The following CORO2B variants were observed in gnomAD, a reference collection of about 807,000 sequenced individuals.
The protein encoded by CORO2B is coronin-2B.
CORO2B carries 26 observed loss-of-function variants against 58.8 expected under a neutral mutation model. The ratio of observed to expected loss-of-function variants is 0.44; its 90% CI spans 0.32 to 0.61. The LOEUF is 0.61. CORO2B is among the 20% of genes least tolerant of loss of function. The pLI is 0.04. For synonymous variants in CORO2B, 242 were observed against 253.8 expected, an observed-to-expected ratio of 0.95 and a Z score of 0.44; for missense variants, 460 against 645.1, an observed-to-expected ratio of 0.71 and a Z score of 3.11.
At chr15:68,524,634 T>C in the CORO2B span, among the ~76,000 whole-genome samples, 1 of 152,238 alleles carries the variant, frequency 6.6e-6, no homozygotes, top group Non-Finnish European at 1.5e-5. Flanking sequence ...CATAAAAATT[T>C]CTTTAACCAA....
intron 2 of CORO2B, among the ~76,000 whole-genome samples, chr15:68,655,318 T>C (rs1461183519): frequency 2.0e-5 from 3 of 152,126 alleles, no homozygotes; most frequent in Non-Finnish European, 2.9e-5. Flanking sequence ...CACAGCCCCA[T>C]TGAATGAGCA....
chr15:68,575,834 T>C (rs1474965599), upstream of CORO2B, among the ~76,000 whole-genome samples: 1 of 151,724 alleles, frequency 6.6e-6, no homozygotes, highest in East Asian at 1.9e-4. Flanking sequence ...ATGAGTAGTG[T>C]TGTGGTGTTA....
intron 8 of CORO2B, among the ~76,000 whole-genome samples, chr15:68,718,107 C>T (rs1303255988): frequency 1.3e-5 from 2 of 152,202 alleles, no homozygotes; most frequent in African/African-American, 2.4e-5. Flanking sequence ...CCATGATAGA[C>T]GTTCAGCAGA....
chr15:68,686,262 C>T (rs1902976754), intron 2 of CORO2B, among the ~76,000 whole-genome samples: 1 of 152,036 alleles, frequency 6.6e-6, no homozygotes, highest in African/African-American at 2.4e-5. Context: ...TCTCGAACTC[C>T]TGACCTCAGG....
intron 1 of CORO2B, among the ~76,000 whole-genome samples, chr15:68,612,495 G>C (rs1176704453): frequency 6.6e-6 from 1 of 152,232 alleles, no homozygotes; most frequent in East Asian, 1.9e-4. Flanking sequence ...AGTGCTCTGA[G>C]GTCTGGGGTA....
At chr15:68,620,658 A>G (rs1411062853) in intron 1 of CORO2B, among the ~76,000 whole-genome samples, 1 of 151,828 alleles carries the variant, frequency 6.6e-6, no homozygotes, top group African/African-American at 2.4e-5. Context: ...TTATTCTCTC[A>G]TTCCTTTTTT....
At chr15:68,717,228 C>T (rs180807622) in intron 8 of CORO2B, among the ~76,000 whole-genome samples, 25 of 151,720 alleles carry the variant, frequency 1.6e-4, no homozygotes, top group African/African-American at 5.3e-4. Flanking sequence ...GCAGGAGAAT[C>T]GCTTGAACCC....
At chr15:68,696,135 A>T (rs1892504325) in intron 3 of CORO2B, among the ~76,000 whole-genome samples, 2 of 151,400 alleles carry the variant, frequency 1.3e-5, no homozygotes, top group African/African-American at 4.9e-5. Context: ...CTGTAGTCCC[A>T]GCTACTAGGG....
the CORO2B span, among the ~76,000 whole-genome samples, chr15:68,540,114 T>A: frequency 6.6e-6 from 1 of 152,282 alleles, no homozygotes; most frequent in Non-Finnish European, 1.5e-5. Context: ...GTTTTCATAC[T>A]CTGTAACATT....
At chr15:68,712,198 G>A (rs542921664) in intron 5 of CORO2B, among the ~76,000 whole-genome samples, 4 of 152,212 alleles carry the variant, frequency 2.6e-5, no homozygotes, top group South Asian at 2.1e-4. Flanking sequence ...TTGGAAGTAA[G>A]AAATTACCAT....
At chr15:68,711,449 G>T (rs71402285) in intron 4 of CORO2B, 93 bp from the exon 5 acceptor site, 3 of 1,133,302 alleles carry the variant, frequency 2.6e-6, no homozygotes, top group African/African-American at 3.1e-5. Context: ...TGCATGGGGC[G>T]CTTCTCCCAG....
At chr15:68,700,044 G>C (rs762532945) in intron 3 of CORO2B, among the ~76,000 whole-genome samples, 2 of 152,176 alleles carry the variant, frequency 1.3e-5, no homozygotes, top group African/African-American at 2.4e-5. Flanking sequence ...CAGCTTCCAG[G>C]GGGTGGACAG....
intron 9 of CORO2B, 152 bp from the exon 10 acceptor site, chr15:68,718,992 T>G: frequency 1.2e-6 from 1 of 824,514 alleles, no homozygotes; most frequent in Non-Finnish European, 2.0e-6. Flanking sequence ...ATGAGTGCAG[T>G]CAGGTAGTTC....
intron 3 of CORO2B, among the ~76,000 whole-genome samples, chr15:68,701,462 C>A (rs555300304): frequency 3.3e-4 from 48 of 146,530 alleles, no homozygotes; most frequent in African/African-American, 1.2e-3. Context: ...CAGGCGCCTG[C>A]AACCACGCCC....
At chr15:68,575,428 C>CAA (rs1899261823), upstream of CORO2B, among the ~76,000 whole-genome samples, 1 of 65,854 alleles carries the variant, frequency 1.5e-5, no homozygotes, top group Non-Finnish European at 3.2e-5. Context: ...ACCTCCGCCT[C>CAA]CCAAGTTCAA....
chr15:68,567,467 T>C, the CORO2B span, among the ~76,000 whole-genome samples: 1 of 152,162 alleles, frequency 6.6e-6, no homozygotes, highest in Non-Finnish European at 1.5e-5. Context: ...TAAGGGTTAC[T>C]TTGGAGAGTA....
intron 2 of CORO2B, among the ~76,000 whole-genome samples, chr15:68,668,203 G>A (rs566644450): frequency 1.3e-3 from 204 of 152,278 alleles, no homozygotes; most frequent in African/African-American, 4.8e-3. Context: ...AGTGAGCCTC[G>A]GTCAGCGAGA....
chr15:68,545,734 A>G, the CORO2B span, among the ~76,000 whole-genome samples: 4 of 152,074 alleles, frequency 2.6e-5, no homozygotes, highest in Admixed American at 2.6e-4. Flanking sequence ...AAACTATCAT[A>G]GTCCAATGCT....
intron 1 of CORO2B, among the ~76,000 whole-genome samples, chr15:68,633,231 G>A (rs1020528034): frequency 8.5e-5 from 13 of 152,048 alleles, no homozygotes; most frequent in African/African-American, 3.1e-4. Flanking sequence ...TGGGGGAACA[G>A]AGGGCATTGT....
Sources: gnomAD v4.1 joint callset for allele counts (sites outside exome capture counted in the v4.1 genomes callset) on GRCh38, gnomAD v4.1.1 for gene constraint, MANE v1.5 for transcripts, NCBI Gene and HGNC (gene_info 2026-07-23, HGNC 2026-07-21) for gene names.